SUPT3H: variants seen among roughly 807,000 people sequenced by gnomAD.
SUPT3H encodes the protein transcription initiation protein SPT3 homolog.
A neutral mutation model predicts 44.3 loss-of-function variants in SUPT3H; 44 were observed. The ratio of observed to expected loss-of-function variants is 0.99; its 90% CI spans 0.78 to 1.28. The LOEUF (loss-of-function observed/expected upper bound fraction) is 1.28, where lower values mean the gene tolerates loss of function less well. Among genes scored for constraint, SUPT3H ranks in the 50% most tolerant of loss-of-function variants. The probability of loss-of-function intolerance (pLI) is 0.00; values close to 1 mark genes in which losing one functional copy is unlikely to be tolerated. For missense variants in SUPT3H, 380 were observed against 387.1 expected, an observed-to-expected ratio of 0.98 and a Z score of 0.15; for synonymous variants, 124 against 125.6, an observed-to-expected ratio of 0.99 and a Z score of 0.09.
Position 45,187,391 on chromosome 6 carries a change from G to C in SUPT3H, c.102-81385C>G, listed in dbSNP as rs970264225. On this transcript the variant is annotated intron_variant, in intron 2 of 10. Transcript: ENST00000371459. ...GATTGTGCCATTGCACTCCAACCTG[G>C]GCGACAAGGGCAAAACTCCGTTTCA... 1.4e-5 allele frequency among the ~76,000 whole-genome samples: 2 copies of C among 145,346 alleles called. 1 individual carries two copies. Among genetic ancestry groups the C allele is most frequent in the Middle Eastern group, 7.0e-3 (2 of 286 alleles).
chr6:45,269,741 C>T (rs539734716), intron 2 of SUPT3H, among the ~76,000 whole-genome samples: 4 of 152,254 alleles, frequency 2.6e-5, no homozygotes, highest in South Asian at 2.1e-4. Flanking sequence ...ATGTTTAAAG[C>T]GCAAGGGTTA....
chr6:45,053,833 T>C (rs1469974277), intron 3 of SUPT3H, among the ~76,000 whole-genome samples: 1 of 145,790 alleles, frequency 6.9e-6, no homozygotes, highest in Non-Finnish European at 1.5e-5. Flanking sequence ...TAGAATGGCA[T>C]GAACCCAGGA....
chr6:44,919,452 G>A (rs1768302195), intron 10 of SUPT3H, among the ~76,000 whole-genome samples: 1 of 117,498 alleles, frequency 8.5e-6, no homozygotes, highest in African/African-American at 3.3e-5. Context: ...CAAACAGAAA[G>A]CTATAGTGTA....
At chr6:45,363,198 A>G (rs1794566443) in intron 2 of SUPT3H, among the ~76,000 whole-genome samples, 1 of 152,156 alleles carries the variant, frequency 6.6e-6, no homozygotes, top group Admixed American at 6.6e-5. Context: ...TAGACAACAG[A>G]TAGATGAATA....
At position 45,127,458 on chromosome 6, in the gene SUPT3H, T is replaced by G. The variant is rs552654487; in HGVS notation, c.102-21452A>C. Among the ~76,000 whole-genome samples the G allele has an allele frequency of 2.0e-5, 3 of 152,336 alleles. No homozygotes were observed. In the South Asian group the frequency reaches 6.2e-4, roughly 32 times the overall value. ...AACAATACTATGAGGTAGGTATTAT[T>G]ACCTCTTCTTCACAGATAAGAAAAA... On this transcript the variant is annotated intron_variant, in intron 2 of 10. Transcript: ENST00000371459.
intron 2 of SUPT3H, among the ~76,000 whole-genome samples, chr6:45,136,192 A>T (rs1253476669): frequency 6.6e-6 from 1 of 152,212 alleles, no homozygotes; most frequent in East Asian, 1.9e-4. Context: ...GACTAAACAC[A>T]AGGCTGTAAG....
chr6:44,812,258 T>C (rs1352218663), intron 11 of SUPT3H, among the ~76,000 whole-genome samples: 1 of 152,222 alleles, frequency 6.6e-6, no homozygotes, highest in Non-Finnish European at 1.5e-5. Context: ...ATCTGTTTCC[T>C]GTTCATTCAG....
chr6:45,092,828 T>C (rs1383896828), intron 3 of SUPT3H, among the ~76,000 whole-genome samples: 1 of 152,038 alleles, frequency 6.6e-6, no homozygotes, highest in Non-Finnish European at 1.5e-5. Context: ...TTTCAGATTA[T>C]ATATATACTT....
At chr6:45,024,319 C>A (rs953526134) in intron 3 of SUPT3H, among the ~76,000 whole-genome samples, 4 of 152,092 alleles carry the variant, frequency 2.6e-5, no homozygotes, top group Non-Finnish European at 5.9e-5. Flanking sequence ...ACATTGCTAT[C>A]CATGACATTC....
chr6:44,900,494 G>A (rs535836947), intron 10 of SUPT3H, among the ~76,000 whole-genome samples: 63 of 152,330 alleles, frequency 4.1e-4, no homozygotes, highest in African/African-American at 1.3e-3. Flanking sequence ...TGCCATTGCC[G>A]AGGCTTGAGT....
chr6:45,025,539 C>A (rs1293379203), intron 3 of SUPT3H, among the ~76,000 whole-genome samples: 2 of 152,136 alleles, frequency 1.3e-5, no homozygotes, highest in Non-Finnish European at 2.9e-5. Context: ...GGCTGGGGCC[C>A]ACATAAATTC....
At chr6:45,193,144 T>C (rs1815416337) in intron 2 of SUPT3H, among the ~76,000 whole-genome samples, 1 of 151,796 alleles carries the variant, frequency 6.6e-6, no homozygotes, top group Admixed American at 6.6e-5. Context: ...AATATTAGAG[T>C]GTATGTATGT....
At chr6:45,038,255 G>A (rs561270933) in intron 3 of SUPT3H, among the ~76,000 whole-genome samples, 9 of 152,208 alleles carry the variant, frequency 5.9e-5, no homozygotes, top group African/African-American at 1.7e-4. Flanking sequence ...ACTGCTAGCT[G>A]GCTTGTTCAG....
chr6:45,032,052 G>T (rs910786952), intron 3 of SUPT3H, among the ~76,000 whole-genome samples: 1 of 152,144 alleles, frequency 6.6e-6, no homozygotes, highest in Non-Finnish European at 1.5e-5. Flanking sequence ...ATATGTAAAA[G>T]ACATTGGTCT....
intron 2 of SUPT3H, among the ~76,000 whole-genome samples, chr6:45,125,974 T>C (rs993656108): frequency 6.6e-6 from 1 of 152,280 alleles, no homozygotes; most frequent in East Asian, 1.9e-4. Flanking sequence ...GAGATTCACA[T>C]AGAATGTTGC....
At chr6:45,215,590 A>G (rs1764904724) in intron 2 of SUPT3H, among the ~76,000 whole-genome samples, 1 of 152,174 alleles carries the variant, frequency 6.6e-6, no homozygotes, top group African/African-American at 2.4e-5. Context: ...TAGATGAAGC[A>G]GAAGAAAAAA....
Position 45,042,379 on chromosome 6 carries a change from T to C in SUPT3H, c.187-21747A>G, listed in dbSNP as rs529734702. Among the ~76,000 whole-genome samples the C allele has an allele frequency of 2.9e-3, 447 of 152,272 alleles. 1 individual carries two copies. Among genetic ancestry groups the C allele is most frequent in the Middle Eastern group, 0.01 (3 of 294 alleles). On this transcript the variant is annotated intron_variant, in intron 3 of 10. Transcript: ENST00000371459. ...CAGAGGTCGCAGTGAGCCGACATCA[T>C]GGCATTGCACTCCAGCCTGAGGCAC... is the stretch of plus-strand genomic sequence containing the variant.
intron 3 of SUPT3H, among the ~76,000 whole-genome samples, chr6:45,080,655 G>C (rs1795670559): frequency 6.6e-6 from 1 of 151,978 alleles, no homozygotes; most frequent in Non-Finnish European, 1.5e-5. Flanking sequence ...AGGTCATTAA[G>C]TGAAATAAGC....
intron 4 of SUPT3H, among the ~76,000 whole-genome samples, chr6:45,019,024 A>C (rs1784723207): frequency 2.0e-5 from 3 of 152,160 alleles, no homozygotes; most frequent in African/African-American, 4.8e-5. Flanking sequence ...ACAATTTCAG[A>C]TTCTGTTGTT....
Sources: gnomAD v4.1 joint callset for allele counts (sites outside exome capture counted in the v4.1 genomes callset) on GRCh38, gnomAD v4.1.1 for gene constraint, MANE v1.5 for transcripts, NCBI Gene and HGNC (gene_info 2026-07-23, HGNC 2026-07-21) for gene names.